Variants in MSMO1 observed in about 807,000 individuals in gnomAD.
MSMO1 encodes the protein methylsterol monooxygenase 1.
In MSMO1, 18 loss-of-function variants were observed where a neutral mutation model predicts 30.4. The observed-to-expected ratio is 0.59, with a 90% CI of 0.41 to 0.88. The LOEUF is 0.88. Among genes scored for constraint, MSMO1 ranks in the 40% least tolerant of loss-of-function variants. MSMO1 has a pLI of 0.00. For missense variants in MSMO1, 284 were observed against 340.5 expected (o/e 0.83, Z 1.31); for synonymous variants, 84 against 107.9 (o/e 0.78, Z 1.37).
intron 2 of MSMO1, among the ~76,000 whole-genome samples, chr4:165,335,583 G>A (rs959545568): frequency 3.9e-5 from 6 of 152,148 alleles, no homozygotes; most frequent in African/African-American, 9.7e-5. Context: ...TCATTGTATG[G>A]CTGGCCAGGC....
Position 165,340,283 on chromosome 4 carries a change from A to G in MSMO1, c.594A>G (p.Gly198=), listed in dbSNP as rs1279218415. 6.2e-7 allele frequency: 1 copy of G among 1,613,846 alleles called. No individual in the cohort carries two copies. The highest frequency in any genetic ancestry group is 2.2e-5 in the East Asian group (1 of 44,840). ...HPLETLILGT[G]FFIGIVLLCD... ...TGGAGACTCTAATTCTTGGAACTGGATTTTTCATTGGAATCGTGCTTTTGT... is the reference window on the plus strand; with the variant it reads ...TGGAGACTCTAATTCTTGGAACTGGGTTTTTCATTGGAATCGTGCTTTTGT... Residue 198 remains glycine, a synonymous_variant, in exon 5 of 6, where the codon GGA becomes GGG. Coordinates refer to ENST00000261507, the MANE Select transcript of MSMO1 (RefSeq NM_006745.5).
chr4:165,340,071 A>G, intron 4 of MSMO1, 150 bp from the exon 5 acceptor site: 1 of 686,086 alleles, frequency 1.5e-6, no homozygotes. Flanking sequence ...ACTGATTTAA[A>G]TGTTAACAAC....
At chr4:165,328,433 G>A (rs1412614921) in intron 1 of MSMO1, among the ~76,000 whole-genome samples, 2 of 152,152 alleles carry the variant, frequency 1.3e-5, no homozygotes, top group South Asian at 2.1e-4. Context: ...TTTTAAGGAG[G>A]TTATCTCTGA....
chr4:165,340,145 G>A, intron 4 of MSMO1, 76 bp from the exon 5 acceptor site: 2 of 1,326,038 alleles, frequency 1.5e-6, no homozygotes, highest in Non-Finnish European at 2.1e-6. Flanking sequence ...GGATATCATA[G>A]CCTAGCCAAG....
chr4:165,337,917 T>G lies in MSMO1; in HGVS notation c.384T>G (p.Asp128Glu). 6.2e-7 allele frequency: 1 copy of G among 1,613,538 alleles called. No homozygotes were observed. Among genetic ancestry groups the G allele is most frequent in the Non-Finnish European group, 8.5e-7 (1 of 1,179,718 alleles). The change falls in exon 3 of 6, where the codon GAT becomes GAG. Residue 128 changes from aspartate to glutamate, a missense_variant. By Grantham distance (45) the Asp-to-Glu change is conservative. Coordinates refer to ENST00000261507, the MANE Select transcript of MSMO1 (RefSeq NM_006745.5). ...CAGAGTATTTCAATATTCCTTATGATTGGGAAAGAATGCCAAGATGGTACG... is the reference window on the plus strand; with the variant it reads ...CAGAGTATTTCAATATTCCTTATGAGTGGGAAAGAATGCCAAGATGGTACG... ...YFTEYFNIPY[D>E]WERMPRWYFL...
intron 2 of MSMO1, among the ~76,000 whole-genome samples, chr4:165,336,406 G>A (rs1747545084): frequency 6.6e-6 from 1 of 151,984 alleles, no homozygotes; most frequent in Non-Finnish European, 1.5e-5. Context: ...ATTGCACTAG[G>A]TATGAATTTG....
intron 1 of MSMO1, 41 bp from the exon 2 acceptor site, chr4:165,333,299 G>A: frequency 2.0e-6 from 3 of 1,487,948 alleles, no homozygotes; most frequent in South Asian, 1.2e-5. Context: ...TTTTTTGAAA[G>A]CTCATTGTTT....
intron 2 of MSMO1, among the ~76,000 whole-genome samples, chr4:165,337,459 G>C (rs1293105376): frequency 1.3e-5 from 2 of 152,166 alleles, no homozygotes; most frequent in Non-Finnish European, 2.9e-5. Context: ...AGTAATCTTA[G>C]CATATTATAT....
chr4:165,333,231 C>A, intron 1 of MSMO1, 109 bp from the exon 2 acceptor site: 1 of 852,540 alleles, frequency 1.2e-6, no homozygotes, highest in Non-Finnish European at 1.7e-6. Flanking sequence ...AAAATTTATA[C>A]TCCTTTAGTA....
Position 165,327,672 on chromosome 4 carries a change from T to G in MSMO1, c.-124T>G. On this transcript the variant is annotated 5_prime_UTR_variant, in exon 1 of 6. Transcript: ENST00000261507. Reference sequence around the variant, plus strand: ...GGACGGGCCGCCTGGCCCACCCGGCTCCACCCCCAAGCCAGGCGAGGCAGG... The same window carrying G: ...GGACGGGCCGCCTGGCCCACCCGGCGCCACCCCCAAGCCAGGCGAGGCAGG... The G allele has an allele frequency of 6.6e-6, 1 of 152,098 alleles. No individual in the cohort carries two copies. Among genetic ancestry groups the G allele is most frequent in the East Asian group, 1.9e-4 (1 of 5,176 alleles). The allele number at this position is 152,098 out of a possible 1,614,324, so 9.4% of individuals were successfully genotyped here.
Position 165,342,393 on chromosome 4 carries a change from C to G in MSMO1, c.*447C>G, listed in dbSNP as rs980829640. ...TTTTTTTTTGAGACAAAGCCACACT[C>G]TGTCTCCTTGGCTGGAGTGTGGTGG... On this transcript the variant is annotated 3_prime_UTR_variant, in exon 6 of 6. Coordinates refer to ENST00000261507, the MANE Select transcript of MSMO1 (RefSeq NM_006745.5). 3 of 154,098 alleles carry G rather than the reference C, an allele frequency of 1.9e-5. No homozygotes were observed. The highest frequency in any genetic ancestry group is 4.3e-5 in the Non-Finnish European group (3 of 69,828). 9.5% of individuals were successfully genotyped at this position (154,098 alleles called of 1,614,324 possible). A position where few individuals can be genotyped will look rare whatever the true frequency, so the allele number is the denominator to read the frequency against.
chr4:165,333,282 T>C, intron 1 of MSMO1, 58 bp from the exon 2 acceptor site: 3 of 1,395,366 alleles, frequency 2.1e-6, no homozygotes, highest in South Asian at 2.6e-5. Context: ...ATTTTTTAAC[T>C]GTTTTATTTT....
intron 4 of MSMO1, 116 bp downstream of exon 4, chr4:165,338,894 T>G (rs1747636836): frequency 1.2e-6 from 1 of 819,502 alleles, no homozygotes; most frequent in Non-Finnish European, 1.9e-6. Flanking sequence ...TTTGGCATGA[T>G]TATTAAGAAC....
intron 4 of MSMO1, 99 bp from the exon 5 acceptor site, chr4:165,340,122 T>C: frequency 9.8e-7 from 1 of 1,018,366 alleles, no homozygotes; most frequent in Non-Finnish European, 1.5e-6. Context: ...GACTGGTATT[T>C]AATCAAACAG....
rs1747681189 is a variant in MSMO1, at chr4:165,340,275, G to T, written c.586G>T (p.Gly196Ter). The change falls in exon 5 of 6, where the codon GGA (glycine) becomes TGA (stop). Residue 196 changes from glycine (G) to a stop codon, truncating the protein, a stop_gained. Coordinates refer to ENST00000261507, the MANE Select transcript of MSMO1 (RefSeq NM_006745.5). LOFTEE classifies it high-confidence loss of function. ...ACATCCTTTGGAGACTCTAATTCTT[G>T]GAACTGGATTTTTCATTGGAATCGT... ...YAHPLETLIL[G>*]TGFFIGIVLL... 6.2e-7 allele frequency: 1 copy of T among 1,613,792 alleles called. No individual in the cohort carries two copies. The highest frequency in any genetic ancestry group is 8.5e-7 in the Non-Finnish European group (1 of 1,179,932).
At chr4:165,334,524 G>A (rs1202563042) in intron 2 of MSMO1, among the ~76,000 whole-genome samples, 4 of 152,146 alleles carry the variant, frequency 2.6e-5, no homozygotes, top group Non-Finnish European at 5.9e-5. Context: ...CTAAATATAT[G>A]GTAGGTAGTT....
chr4:165,334,119 A>G (rs890293176), intron 2 of MSMO1, among the ~76,000 whole-genome samples: 2 of 152,238 alleles, frequency 1.3e-5, no homozygotes, highest in African/African-American at 4.8e-5. Context: ...TTATTATTTC[A>G]ATCAGTAATC....
intron 4 of MSMO1, among the ~76,000 whole-genome samples, chr4:165,339,214 C>T (rs1449485850): frequency 3.4e-5 from 5 of 146,720 alleles, no homozygotes; most frequent in Admixed American, 1.4e-4. Context: ...AAGCAATTCT[C>T]CTGCCTCAGC....
rs774414711 is a variant in MSMO1, at chr4:165,338,677, G to T, written c.430G>T (p.Gly144Cys). 2 of 1,609,624 alleles carry T rather than the reference G, an allele frequency of 1.2e-6. No homozygotes were observed. The highest frequency in any genetic ancestry group is 2.7e-5 in the African/African-American group (2 of 74,874). Residue 144 changes from glycine (G) to cysteine (C), a missense_variant, in exon 4 of 6, where the codon GGT (glycine) becomes TGT (cysteine). By Grantham distance (159) the Gly-to-Cys change is radical. Transcript: ENST00000261507. ...RWYFLLARCF[G>C]CAVIEDTWHY... ...GTATTTTCTTTTGGCAAGATGCTTT[G>T]GTTGTGCAGTCATTGAAGATACTTG...
Sources: allele counts gnomAD v4.1 joint callset (sites outside exome capture counted in the v4.1 genomes callset), GRCh38; gene constraint gnomAD v4.1.1; transcripts MANE v1.5; gene names NCBI Gene and HGNC (gene_info 2026-07-23, HGNC 2026-07-21).